The following WWOX variants were observed in gnomAD, a reference collection of about 807,000 sequenced individuals.
WWOX encodes the protein WW domain-containing oxidoreductase.
In WWOX, 69 loss-of-function variants were observed where a neutral mutation model predicts 46.2. The observed-to-expected ratio is 1.49, with a 90% CI of 1.23 to 1.82. The LOEUF (loss-of-function observed/expected upper bound fraction) is 1.82, where lower values mean the gene tolerates loss of function less well. Ranked by LOEUF, WWOX falls within the 40% of genes most tolerant of loss-of-function variation. The probability of loss-of-function intolerance (pLI) is 0.00; values close to 1 mark genes in which losing one functional copy is unlikely to be tolerated. For missense variants in WWOX, 919 were observed against 542.6 expected, an observed-to-expected ratio of 1.69 and a Z score of -6.89; for synonymous variants, 359 against 202.6, an observed-to-expected ratio of 1.77 and a Z score of -6.56.
chr16:78,528,941 T>C (rs1323244813), intron 8 of WWOX, among the ~76,000 whole-genome samples: 4 of 148,884 alleles, frequency 2.7e-5, no homozygotes, highest in Middle Eastern at 3.4e-3. Context: ...CCTTTTTCTT[T>C]TCTTTTCTTT....
intron 8 of WWOX, among the ~76,000 whole-genome samples, chr16:79,193,296 A>C (rs1393385320): frequency 6.6e-6 from 1 of 152,246 alleles, no homozygotes; most frequent in East Asian, 1.9e-4. Context: ...TCTGAGGCTC[A>C]CTGGAAGAAC....
At chr16:78,736,808 C>T (rs538123599) in intron 8 of WWOX, among the ~76,000 whole-genome samples, 3 of 152,170 alleles carry the variant, frequency 2.0e-5, no homozygotes, top group South Asian at 4.2e-4. Flanking sequence ...TGAGTCTCAC[C>T]GTCTTGCCCT....
intron 4 of WWOX, among the ~76,000 whole-genome samples, chr16:78,116,193 G>T (rs569917983): frequency 6.6e-6 from 1 of 152,076 alleles, no homozygotes; most frequent in South Asian, 2.1e-4. Context: ...GTGCAATTAA[G>T]TTATTATTAA....
intron 8 of WWOX, among the ~76,000 whole-genome samples, chr16:78,504,219 A>G (rs2085138099): frequency 6.6e-6 from 1 of 152,348 alleles, no homozygotes; most frequent in Non-Finnish European, 1.5e-5. Context: ...GAAATCATGT[A>G]TTCTCTAGGA....
intron 8 of WWOX, among the ~76,000 whole-genome samples, chr16:78,801,057 CTT>C (rs879409458): frequency 4.1e-5 from 6 of 145,730 alleles, no homozygotes; most frequent in Admixed American, 6.9e-5. Context: ...CTCTCTACCT[CTT>C]TTTTTTTTTT....
rs61224601 is a variant in WWOX, at chr16:78,256,926, C to G, written c.516+92637C>G. 1.9e-3 allele frequency among the ~76,000 whole-genome samples: 295 copies of G among 152,226 alleles called. 1 individual carries two copies. Among genetic ancestry groups the G allele is most frequent in the African/African-American group, 5.7e-3 (235 of 41,550 alleles). The stretch of plus-strand genomic sequence containing the variant: ...AACAACCATACAGGGAATCCCTAAT[C>G]TCCTGCACTGTGAGTCAAAGAGTCA... On this transcript the variant is annotated intron_variant, in intron 5 of 8. Transcript: ENST00000566780.
At chr16:78,182,572 C>T (rs1373230954) in intron 5 of WWOX, among the ~76,000 whole-genome samples, 1 of 152,030 alleles carries the variant, frequency 6.6e-6, no homozygotes, top group Non-Finnish European at 1.5e-5. Context: ...GCCCTCCCTT[C>T]CTTCTTTTGT....
At chr16:78,642,753 C>A (rs146660681) in intron 8 of WWOX, among the ~76,000 whole-genome samples, 2 of 152,024 alleles carry the variant, frequency 1.3e-5, no homozygotes, top group Non-Finnish European at 2.9e-5. Flanking sequence ...CATCAGGATA[C>A]CTCAGTGGGG....
chr16:78,907,716 A>G lies in WWOX; in HGVS notation c.1057-303892A>G, dbSNP rs769419737. Among the ~76,000 whole-genome samples the G allele has an allele frequency of 1.2e-3, 178 of 152,216 alleles. 2 individuals are homozygous for G. The highest frequency in any genetic ancestry group is 2.2e-3 in the Non-Finnish European group (151 of 68,044). ...AGCAAAGACAGTTGGGTAAGTTACTAGAGGGAGTATTACCTTAGATGGGGC... is the reference window on the plus strand; with the variant it reads ...AGCAAAGACAGTTGGGTAAGTTACTGGAGGGAGTATTACCTTAGATGGGGC... On this transcript the variant is annotated intron_variant, in intron 8 of 8. Transcript: ENST00000566780.
At chr16:78,630,103 G>C (rs2151657486) in intron 8 of WWOX, among the ~76,000 whole-genome samples, 1 of 152,258 alleles carries the variant, frequency 6.6e-6, no homozygotes, top group East Asian at 1.9e-4. Context: ...TCTGTCACCA[G>C]TCACTGGCCC....
At chr16:78,303,174 C>T (rs953920655) in intron 5 of WWOX, among the ~76,000 whole-genome samples, 1 of 152,092 alleles carries the variant, frequency 6.6e-6, no homozygotes, top group African/African-American at 2.4e-5. Flanking sequence ...TATCTTTGCC[C>T]TTTTTTCCCC....
chr16:78,114,804 G>T (rs182854501), intron 3 of WWOX, among the ~76,000 whole-genome samples, 172 bp from the exon 4 acceptor site: 1 of 152,158 alleles, frequency 6.6e-6, no homozygotes, highest in African/African-American at 2.4e-5. Context: ...TGGCACAAAT[G>T]TGATCCTTCT....
At chr16:78,511,499 C>A (rs1023908352) in intron 8 of WWOX, among the ~76,000 whole-genome samples, 1 of 152,180 alleles carries the variant, frequency 6.6e-6, no homozygotes, top group Non-Finnish European at 1.5e-5. Context: ...GCCTGTTGCC[C>A]CCAAGCCTGT....
intron 3 of WWOX, chr16:78,111,784 G>T (rs2032505799): frequency 6.2e-6 from 1 of 161,160 alleles, no homozygotes; most frequent in African/African-American, 2.4e-5. Flanking sequence ...TAGAAGAAAT[G>T]GTGAAAGTTT....
intron 8 of WWOX, among the ~76,000 whole-genome samples, chr16:78,501,590 G>A (rs1412954206): frequency 6.6e-6 from 1 of 151,394 alleles, no homozygotes; most frequent in Admixed American, 6.6e-5. Flanking sequence ...AGGCTGGAGT[G>A]CAGTGGTGGG....
intron 8 of WWOX, among the ~76,000 whole-genome samples, chr16:78,477,487 G>A (rs1460065546): frequency 1.3e-5 from 2 of 151,676 alleles, no homozygotes; most frequent in Non-Finnish European, 2.9e-5. Context: ...CTCACCTCTG[G>A]GCTTGCTTAA....
intron 8 of WWOX, among the ~76,000 whole-genome samples, chr16:79,208,220 C>A (rs559380733): frequency 6.6e-6 from 1 of 152,184 alleles, no homozygotes; most frequent in African/African-American, 2.4e-5. Flanking sequence ...AAATGGCATT[C>A]GGGCATGATT....
At chr16:78,889,160 A>C (rs1054398899) in intron 8 of WWOX, among the ~76,000 whole-genome samples, 1 of 152,164 alleles carries the variant, frequency 6.6e-6, no homozygotes, top group Non-Finnish European at 1.5e-5. Context: ...CTTAATAATA[A>C]GATGATAAGG....
chr16:78,814,322 T>TAAA (rs2142720060), intron 8 of WWOX, among the ~76,000 whole-genome samples: 1 of 152,260 alleles, frequency 6.6e-6, no homozygotes, highest in East Asian at 1.9e-4. Flanking sequence ...TATCTCCTTT[T>TAAA]CCCTAAAAAA....
Sources: allele counts gnomAD v4.1 joint callset (sites outside exome capture counted in the v4.1 genomes callset), GRCh38; gene constraint gnomAD v4.1.1; transcripts MANE v1.5; gene names NCBI Gene and HGNC (gene_info 2026-07-23, HGNC 2026-07-21).